Variants in GRM5 observed in about 807,000 individuals in gnomAD.
GRM5 encodes the protein glutamate metabotropic receptor 5.
In GRM5, 19 loss-of-function variants were observed where a neutral mutation model predicts 83.1. That is an observed-to-expected ratio of 0.23 (90% CI 0.16 to 0.34). GRM5 has a LOEUF of 0.34. GRM5 is among the 10% of genes least tolerant of loss of function. The probability of loss-of-function intolerance (pLI) is 1.00; values close to 1 mark genes in which losing one functional copy is unlikely to be tolerated. For missense variants in GRM5, 1,160 were observed against 1,588.3 expected, an observed-to-expected ratio of 0.73 and a Z score of 4.58; for synonymous variants, 675 against 633.6, an observed-to-expected ratio of 1.07 and a Z score of -0.98.
At chr11:88,653,059 G>T in intron 4 of GRM5, 109 bp downstream of exon 4, 1 of 691,584 alleles carries the variant, frequency 1.4e-6, no homozygotes, top group Non-Finnish European at 2.5e-6. Flanking sequence ...CTCTACTTAT[G>T]TAAGAGTCCT....
At chr11:88,722,418 C>CT (rs1353669188) in intron 3 of GRM5, among the ~76,000 whole-genome samples, 3 of 152,072 alleles carry the variant, frequency 2.0e-5, no homozygotes, top group African/African-American at 7.2e-5. Context: ...CAACACTTCT[C>CT]CAAGTGTTGA....
At chr11:88,616,568 A>G (rs544902785) in intron 4 of GRM5, among the ~76,000 whole-genome samples, 1 of 152,198 alleles carries the variant, frequency 6.6e-6, no homozygotes, top group South Asian at 2.1e-4. Context: ...GATTCTGAAT[A>G]TATTTTGAAA....
intron 8 of GRM5, among the ~76,000 whole-genome samples, chr11:88,552,725 G>C (rs1009029917): frequency 9.2e-5 from 14 of 152,136 alleles, no homozygotes; most frequent in African/African-American, 3.4e-4. Context: ...CACAAGGTCT[G>C]ATTCTTCTCT....
At chr11:88,736,542 C>T (rs1450416380) in intron 3 of GRM5, among the ~76,000 whole-genome samples, 2 of 152,050 alleles carry the variant, frequency 1.3e-5, no homozygotes, top group Non-Finnish European at 2.9e-5. Flanking sequence ...ACAAATGTCT[C>T]TTATTACATA....
At chr11:88,523,993 C>G (rs986288049) in intron 9 of GRM5, 1 of 152,100 alleles carries the variant, frequency 6.6e-6, no homozygotes, top group Non-Finnish European at 1.5e-5. Context: ...TTCCTTTTCT[C>G]TAATCCAGGA....
intron 2 of GRM5, among the ~76,000 whole-genome samples, chr11:88,938,425 A>G (rs1404736367): frequency 6.6e-6 from 1 of 151,664 alleles, no homozygotes; most frequent in East Asian, 1.9e-4. Flanking sequence ...TTACTTAAGA[A>G]ACAGAGCCTG....
intron 2 of GRM5, among the ~76,000 whole-genome samples, chr11:88,860,491 G>A (rs1251082750): frequency 6.6e-6 from 1 of 152,164 alleles, no homozygotes; most frequent in Non-Finnish European, 1.5e-5. Flanking sequence ...AATGATCCTT[G>A]ATTCTAACTG....
chr11:88,830,327 ATATTT>A (rs1465923791), intron 3 of GRM5, among the ~76,000 whole-genome samples: 3,863 of 151,600 alleles, frequency 0.025, 172 homozygotes, highest in African/African-American at 0.089. Flanking sequence ...TATTTAAAAT[ATATTT>A]AAAATAAAAG....
rs1327148125 is a variant in GRM5, at chr11:89,026,439, C to T, written c.661+20773G>A. 3.3e-5 allele frequency among the ~76,000 whole-genome samples: 5 copies of T among 152,272 alleles called. No individual in the cohort carries two copies. The South Asian group carries it at 6.2e-4, about 19-fold the overall frequency. On this transcript the variant is annotated intron_variant, in intron 2 of 9. Coordinates refer to ENST00000305447, the MANE Select transcript of GRM5 (RefSeq NM_001143831.3). Reference sequence around the variant, plus strand: ...ATATAGACACTTTATACTTCTTTAGCATCTGCATTTGGAACACTGAATATA... The same window carrying T: ...ATATAGACACTTTATACTTCTTTAGTATCTGCATTTGGAACACTGAATATA...
intron 7 of GRM5, among the ~76,000 whole-genome samples, chr11:88,582,336 T>G (rs1250446256): frequency 1.3e-5 from 2 of 152,208 alleles, no homozygotes. Flanking sequence ...AACTATTGTA[T>G]GCATTATATG....
At position 88,565,168 on chromosome 11, in the gene GRM5, G is replaced by A. The variant is rs185186918; in HGVS notation, c.2630+1885C>T. Among the ~76,000 whole-genome samples, 106 of 152,320 alleles carry A rather than the reference G, an allele frequency of 7.0e-4. 1 individual carries two copies. Among genetic ancestry groups the A allele is most frequent in the Middle Eastern group, 3.4e-3 (1 of 294 alleles). On this transcript the variant is annotated intron_variant, in intron 8 of 9. Coordinates refer to ENST00000305447, the MANE Select transcript of GRM5 (RefSeq NM_001143831.3). ...AAGCATAGAGAGGTTAAGTGAATTT[G>A]CCTAAGGTTCTGCACCTGCTAAGTG...
At position 88,908,998 on chromosome 11, in the gene GRM5, G is replaced by A. The variant is rs1255175166; in HGVS notation, c.662-58843C>T. On this transcript the variant is annotated intron_variant, in intron 2 of 9. Coordinates refer to ENST00000305447, the MANE Select transcript of GRM5 (RefSeq NM_001143831.3). ...ACTTTGAACTTGGCAGCCTGTTAGTGGTAAGACTTGGACTTTGAGGCCGAA... is the reference window on the plus strand; with the variant it reads ...ACTTTGAACTTGGCAGCCTGTTAGTAGTAAGACTTGGACTTTGAGGCCGAA... 2.0e-5 allele frequency among the ~76,000 whole-genome samples: 3 copies of A among 152,088 alleles called. No individual in the cohort carries two copies. The East Asian group carries it at 5.8e-4, about 29-fold the overall frequency.
At chr11:89,013,512 C>T (rs1419572754) in intron 2 of GRM5, among the ~76,000 whole-genome samples, 4 of 152,168 alleles carry the variant, frequency 2.6e-5, no homozygotes. Flanking sequence ...GTGAAGTCAA[C>T]AATACAAATT....
chr11:89,040,743 A>G (rs1050439705), intron 2 of GRM5, among the ~76,000 whole-genome samples: 5 of 151,928 alleles, frequency 3.3e-5, no homozygotes, highest in African/African-American at 1.2e-4. Context: ...AGACAAAGAA[A>G]AGGGAAGGAG....
chr11:89,065,582 C>G lies in GRM5; in HGVS notation c.-201+194G>C, dbSNP rs1039980635. ...GTCCTTGCAGGGTGACTTTTCTAAA[C>G]TTGCAGGACCTCGTAGCGTTCCTGG... On this transcript the variant is annotated intron_variant, in intron 1 of 9. Coordinates refer to ENST00000305447, the MANE Select transcript of GRM5 (RefSeq NM_001143831.3). Among the ~76,000 whole-genome samples the G allele has an allele frequency of 2.6e-5, 4 of 152,126 alleles. No homozygotes were observed. The South Asian group carries it at 8.3e-4, about 31-fold the overall frequency.
chr11:88,676,305 A>T (rs761860128), intron 3 of GRM5, among the ~76,000 whole-genome samples: 1 of 152,020 alleles, frequency 6.6e-6, no homozygotes, highest in Admixed American at 6.6e-5. Context: ...TCAGTTTCAC[A>T]TGCATTATTT....
chr11:88,528,909 C>T (rs891728817), intron 8 of GRM5, among the ~76,000 whole-genome samples: 3 of 152,056 alleles, frequency 2.0e-5, no homozygotes, highest in Non-Finnish European at 4.4e-5. Context: ...AGCAGGGAGC[C>T]CAAGGTTAAA....
intron 6 of GRM5, among the ~76,000 whole-genome samples, chr11:88,591,677 A>T (rs544129655): frequency 2.6e-5 from 4 of 152,318 alleles, no homozygotes; most frequent in East Asian, 1.9e-4. Flanking sequence ...CCTATAGCCA[A>T]ATATAATTGT....
intron 7 of GRM5, among the ~76,000 whole-genome samples, chr11:88,576,927 G>C (rs1010391774): frequency 6.6e-6 from 1 of 152,056 alleles, no homozygotes; most frequent in Non-Finnish European, 1.5e-5. Context: ...CTTTCCTGCA[G>C]TTTTAGTCAG....
Sources: gnomAD v4.1 joint callset for allele counts (sites outside exome capture counted in the v4.1 genomes callset) on GRCh38, gnomAD v4.1.1 for gene constraint, MANE v1.5 for transcripts, NCBI Gene and HGNC (gene_info 2026-07-23, HGNC 2026-07-21) for gene names.